Variants in TOX2 observed in about 807,000 individuals in gnomAD.
The protein encoded by TOX2 is TOX high mobility group box family member 2, also known as granulosa cell HMG box 1.
In TOX2, 15 loss-of-function variants were observed where a neutral mutation model predicts 47.4. The ratio of observed to expected loss-of-function variants is 0.32; its 90% CI spans 0.21 to 0.49. TOX2 has a LOEUF of 0.49. TOX2 is among the 20% of genes least tolerant of loss of function. The pLI, the probability that TOX2 is intolerant of heterozygous loss-of-function variation, is 0.99. For synonymous variants in TOX2, 290 were observed against 296.6 expected, an observed-to-expected ratio of 0.98 and a Z score of 0.23; for missense variants, 622 against 673.1, an observed-to-expected ratio of 0.92 and a Z score of 0.84.
intron 2 of TOX2, among the ~76,000 whole-genome samples, chr20:44,002,733 G>A (rs531390596): frequency 2.0e-5 from 3 of 152,288 alleles, no homozygotes; most frequent in South Asian, 4.1e-4. Context: ...AAGGTGAAGG[G>A]GGGAGCAGGC....
intron 1 of TOX2, among the ~76,000 whole-genome samples, chr20:43,958,312 C>T (rs929138184): frequency 1.3e-5 from 2 of 152,186 alleles, no homozygotes; most frequent in African/African-American, 2.4e-5. Flanking sequence ...GCTTTAAACA[C>T]GCACCTGTTT....
At chr20:43,917,364 C>T (rs1440341516) in intron 1 of TOX2, among the ~76,000 whole-genome samples, 1 of 152,148 alleles carries the variant, frequency 6.6e-6, no homozygotes, top group African/African-American at 2.4e-5. Flanking sequence ...CACCTTTACA[C>T]TAGTCACTAT....
At chr20:43,951,926 T>C (rs1600675956) in intron 1 of TOX2, among the ~76,000 whole-genome samples, 1 of 151,812 alleles carries the variant, frequency 6.6e-6, no homozygotes, top group East Asian at 1.9e-4. Context: ...AGGCCGAGTC[T>C]CGCTCTGTCG....
At chr20:43,950,659 C>A (rs1032422697) in intron 1 of TOX2, among the ~76,000 whole-genome samples, 1 of 152,124 alleles carries the variant, frequency 6.6e-6, no homozygotes, top group Non-Finnish European at 1.5e-5. Flanking sequence ...GCTCCACTAT[C>A]ACTTCCTCAA....
In TOX2 at chr20:44,066,007, C is replaced by T. The variant is rs749690465; in HGVS notation, c.1256C>T (p.Pro419Leu). The T allele has an allele frequency of 2.5e-6, 4 of 1,612,496 alleles. No homozygotes were observed. The highest frequency in any genetic ancestry group is 3.3e-5 in the Admixed American group (2 of 59,950). Residue 419 changes from proline to leucine, a missense_variant, in exon 7 of 9, where the codon CCA (proline) becomes CTA (leucine). Physicochemically the swap from Pro to Leu is moderately conservative, Grantham distance 98. Transcript: ENST00000341197. ...CACGCCCAGGGCGCCCTCCTCAGTCCACCTGTTAGCATGTCCCCAGCCCCC... is the reference window on the plus strand; with the variant it reads ...CACGCCCAGGGCGCCCTCCTCAGTCTACCTGTTAGCATGTCCCCAGCCCCC... ...PPHAQGALLS[P>L]PVSMSPAPQP...
rs1181868050 is a variant in TOX2 at position 43,916,239 on chromosome 20, C to A, written c.99+1249C>A. Reference sequence around the variant, plus strand: ...TGCGCGTCCAGTGGCTGGATCGGCGCCCCCCAGGGTCTCTCCCCAACCTCG... The same window carrying A: ...TGCGCGTCCAGTGGCTGGATCGGCGACCCCCAGGGTCTCTCCCCAACCTCG... On this transcript the variant is annotated intron_variant, in intron 1 of 8. Transcript: ENST00000341197. The surrounding 1 kb of genome is among the most constrained non-coding windows in gnomAD (Gnocchi z 5.0). 8.1e-6 allele frequency: 8 copies of A among 984,492 alleles called. No homozygotes were observed. The highest frequency in any genetic ancestry group is 9.4e-5 in the South Asian group (2 of 21,272). 61.0% of individuals were successfully genotyped at this position (984,492 alleles called of 1,614,324 possible). A position where few individuals can be genotyped will look rare whatever the true frequency, so the allele number is the denominator to read the frequency against.
chr20:44,009,762 G>GT (rs1483076305), intron 3 of TOX2, among the ~76,000 whole-genome samples: 2 of 152,202 alleles, frequency 1.3e-5, no homozygotes, highest in African/African-American at 4.8e-5. Context: ...GACCATCCCT[G>GT]TTTGGGATTT....
chr20:44,018,250 A>G (rs1284592041), intron 3 of TOX2, among the ~76,000 whole-genome samples: 2 of 152,112 alleles, frequency 1.3e-5, no homozygotes, highest in Non-Finnish European at 2.9e-5. Context: ...GCCCTCTGGT[A>G]CCCACCCTTT....
chr20:44,048,235 A>G (rs1382920927), intron 3 of TOX2, among the ~76,000 whole-genome samples: 4 of 145,030 alleles, frequency 2.8e-5, no homozygotes, highest in Admixed American at 1.3e-4. Flanking sequence ...AAAAAAATAA[A>G]TAAAATAAAT....
At position 43,945,911 on chromosome 20, in the gene TOX2, T is replaced by C. The variant is rs551093747; in HGVS notation, c.100-27456T>C. On this transcript the variant is annotated intron_variant, in intron 1 of 8. Coordinates refer to ENST00000341197, the MANE Select transcript of TOX2 (RefSeq NM_001098797.2). ...GCATTTTTTCCTCTTTCTCTGCTGA[T>C]TATGCAGCAGACTCGCACAGAGGCT... 53 of 1,612,602 alleles carry C rather than the reference T, an allele frequency of 3.3e-5. No individual in the cohort carries two copies. The African/African-American group carries it at 3.5e-4, about 11-fold the overall frequency.
In TOX2 at chr20:44,068,821, G is replaced by A. The variant is rs1274574435; in HGVS notation, c.*135G>A. On this transcript the variant is annotated 3_prime_UTR_variant, in exon 9 of 9. Coordinates refer to ENST00000341197, the MANE Select transcript of TOX2 (RefSeq NM_001098797.2). Reference sequence around the variant, plus strand: ...AGCAGTGACACACCCATTGCCCGGGGGCTGAGTCTCTTCCTCAACCTCCCA... The same window carrying A: ...AGCAGTGACACACCCATTGCCCGGGAGCTGAGTCTCTTCCTCAACCTCCCA... 2.5e-6 allele frequency: 3 copies of A among 1,222,368 alleles called. No individual in the cohort carries two copies. The highest frequency in any genetic ancestry group is 3.5e-6 in the Non-Finnish European group (3 of 847,030). The allele number at this position is 1,222,368 out of a possible 1,614,324, so 75.7% of individuals were successfully genotyped here.
chr20:43,966,492 T>C (rs1312696536), intron 1 of TOX2, among the ~76,000 whole-genome samples: 2 of 152,006 alleles, frequency 1.3e-5, no homozygotes, highest in African/African-American at 4.8e-5. Context: ...GTGTGGTGGC[T>C]CATGCCTGTA....
At chr20:44,022,199 A>G (rs2070987331) in intron 3 of TOX2, among the ~76,000 whole-genome samples, 1 of 152,162 alleles carries the variant, frequency 6.6e-6, no homozygotes, top group Non-Finnish European at 1.5e-5. Flanking sequence ...GGGTCAGCAC[A>G]TTGCCAGAAT....
chr20:43,959,122 C>T (rs994581154), intron 1 of TOX2, among the ~76,000 whole-genome samples: 8 of 152,150 alleles, frequency 5.3e-5, no homozygotes, highest in African/African-American at 1.7e-4. Flanking sequence ...GGGGTGAAAG[C>T]GGGGAGCTGG....
chr20:44,064,733 C>T (rs1569151736), intron 5 of TOX2, 44 bp from the exon 6 acceptor site: 6 of 1,592,788 alleles, frequency 3.8e-6, no homozygotes, highest in Non-Finnish European at 5.2e-6. Flanking sequence ...GGCATCTCCT[C>T]TGTAACTTTC....
intron 3 of TOX2, chr20:44,007,117 T>G (rs2070698650): frequency 3.2e-6 from 1 of 311,922 alleles, no homozygotes; most frequent in African/African-American, 2.1e-5. Flanking sequence ...TTTATTGAGG[T>G]ATAATTTATA....
chr20:44,031,205 C>G (rs893878573), intron 3 of TOX2, among the ~76,000 whole-genome samples: 2 of 152,158 alleles, frequency 1.3e-5, no homozygotes, highest in Non-Finnish European at 2.9e-5. Flanking sequence ...GGAAGCAGCG[C>G]TGCTTCCTCC....
rs758656209 is a variant in TOX2, at chr20:43,927,614, TTCCTTCCTTCC to T, written c.99+12637_99+12647del. Among the ~76,000 whole-genome samples, 624 of 76,292 alleles carry T rather than the reference TTCCTTCCTTCC, an allele frequency of 8.2e-3. 33 individuals carry two copies. The highest frequency in any genetic ancestry group is 0.058 in the African/African-American group (426 of 7,358). The allele number at this position is 76,292 out of a possible 152,430, so 50.1% of individuals were successfully genotyped here. On this transcript the variant is annotated intron_variant, in intron 1 of 8. Coordinates refer to ENST00000341197, the MANE Select transcript of TOX2 (RefSeq NM_001098797.2). ...TTTCCTTCCTTCCTTCCTTCCTTCC[TTCCTTCCTTCC>T]TCCTTCCTTCCTTCCTCCCCTTCCC...
intron 1 of TOX2, among the ~76,000 whole-genome samples, chr20:43,972,329 A>G (rs1449775790): frequency 6.6e-6 from 1 of 152,162 alleles, no homozygotes; most frequent in Non-Finnish European, 1.5e-5. Flanking sequence ...TCCCCATCAG[A>G]GCAGGCTGAA....
Sources: gnomAD v4.1 joint callset for allele counts (sites outside exome capture counted in the v4.1 genomes callset) on GRCh38, gnomAD v4.1.1 for gene constraint, Gnocchi (gnomAD v3.1) non-coding constraint, MANE v1.5 for transcripts, NCBI Gene and HGNC (gene_info 2026-07-23, HGNC 2026-07-21) for gene names.